The following FBXL17 variants were observed in gnomAD, a reference collection of about 807,000 sequenced individuals.
FBXL17 encodes F-box and leucine rich repeat protein 17, also known as F-box/LRR-repeat protein 17.
Under a neutral mutation model 66.2 loss-of-function variants are expected in FBXL17, and 22 were observed. The observed-to-expected ratio is 0.33, with a 90% confidence interval of 0.24 to 0.47. FBXL17 has a LOEUF of 0.47. Among genes scored for constraint, FBXL17 ranks in the 20% least tolerant of loss-of-function variants. The pLI, the probability that FBXL17 is intolerant of heterozygous loss-of-function variation, is 1.00. For synonymous variants in FBXL17, 474 were observed against 400.5 expected (o/e 1.18, Z -2.19); for missense variants, 878 against 948.2 (o/e 0.93, Z 0.97).
intron 4 of FBXL17, among the ~76,000 whole-genome samples, chr5:108,344,066 T>G (rs1316931783): frequency 6.6e-6 from 1 of 152,130 alleles, no homozygotes; most frequent in African/African-American, 2.4e-5. Flanking sequence ...TTAAGATAAC[T>G]AAAGCAAGTC....
chr5:108,057,442 A>G (rs1747751889), intron 6 of FBXL17, among the ~76,000 whole-genome samples: 1 of 152,142 alleles, frequency 6.6e-6, no homozygotes, highest in Non-Finnish European at 1.5e-5. Flanking sequence ...TCAAAAACAC[A>G]TTTTTCACAT....
At chr5:107,990,399 C>T (rs954583565) in intron 7 of FBXL17, among the ~76,000 whole-genome samples, 1 of 152,150 alleles carries the variant, frequency 6.6e-6, no homozygotes. Flanking sequence ...TGTTTATCAT[C>T]ATTTATTCAT....
chr5:107,996,218 A>G (rs2112704717), intron 7 of FBXL17, among the ~76,000 whole-genome samples: 1 of 152,092 alleles, frequency 6.6e-6, no homozygotes, highest in East Asian at 1.9e-4. Flanking sequence ...TCCTTTCTCT[A>G]CCAGCCTAAA....
At chr5:108,330,538 AT>A (rs1269098090) in intron 4 of FBXL17, among the ~76,000 whole-genome samples, 3 of 152,238 alleles carry the variant, frequency 2.0e-5, no homozygotes, top group Non-Finnish European at 4.4e-5. Context: ...TCACCAAGAT[AT>A]ATTTTAAAGA....
At chr5:107,920,882 C>T (rs1252134970) in intron 7 of FBXL17, among the ~76,000 whole-genome samples, 2 of 152,090 alleles carry the variant, frequency 1.3e-5, no homozygotes, top group African/African-American at 4.8e-5. Context: ...GCCTTAAAAG[C>T]CGTGAAAATT....
chr5:108,295,793 G>C (rs902121046), intron 4 of FBXL17, among the ~76,000 whole-genome samples: 2 of 151,888 alleles, frequency 1.3e-5, no homozygotes, highest in East Asian at 1.9e-4. Flanking sequence ...GTAGGAAAGG[G>C]AAAGAGAAAG....
intron 1 of FBXL17, among the ~76,000 whole-genome samples, chr5:108,375,079 C>T (rs1451726383): frequency 6.6e-6 from 1 of 152,066 alleles, no homozygotes; most frequent in African/African-American, 2.4e-5. Flanking sequence ...TGAGGCCGAG[C>T]ACAATGGTTG....
intron 7 of FBXL17, among the ~76,000 whole-genome samples, chr5:107,967,795 A>G (rs1752210594): frequency 4.6e-5 from 7 of 152,116 alleles, no homozygotes; most frequent in Admixed American, 4.6e-4. Context: ...AAAAGGGTAA[A>G]AAAAATTTCT....
At chr5:108,292,687 C>T (rs1302727406) in intron 4 of FBXL17, among the ~76,000 whole-genome samples, 1 of 152,228 alleles carries the variant, frequency 6.6e-6, no homozygotes, top group African/African-American at 2.4e-5. Context: ...TGCCTTATTA[C>T]ATAGCACTTA....
chr5:108,193,261 G>A (rs1753543092), intron 5 of FBXL17, among the ~76,000 whole-genome samples: 1 of 152,144 alleles, frequency 6.6e-6, no homozygotes, highest in Non-Finnish European at 1.5e-5. Context: ...TCAAGATGGA[G>A]ACCAAGGGAG....
At chr5:108,192,403 T>C (rs1405135219) in intron 5 of FBXL17, among the ~76,000 whole-genome samples, 3 of 152,226 alleles carry the variant, frequency 2.0e-5, no homozygotes, top group East Asian at 1.9e-4. Context: ...TAGGTAATCA[T>C]CTTTCAGTTT....
chr5:108,272,621 T>TG (rs1199423145), intron 4 of FBXL17, among the ~76,000 whole-genome samples: 3 of 152,134 alleles, frequency 2.0e-5, no homozygotes, highest in Non-Finnish European at 2.9e-5. Flanking sequence ...CCCAAAGTGC[T>TG]GGGATTACAG....
intron 1 of FBXL17, among the ~76,000 whole-genome samples, chr5:108,378,543 A>G (rs760176247): frequency 6.6e-6 from 1 of 152,198 alleles, no homozygotes; most frequent in South Asian, 2.1e-4. Context: ...TCATAGCTCC[A>G]TAAGTCTTCC....
intron 7 of FBXL17, among the ~76,000 whole-genome samples, chr5:107,907,920 T>C (rs1218740680): frequency 6.6e-6 from 1 of 152,186 alleles, no homozygotes; most frequent in Non-Finnish European, 1.5e-5. Flanking sequence ...AGAAATACCA[T>C]TTGACCCAGC....
chr5:108,103,233 C>A (rs577422057), intron 6 of FBXL17, among the ~76,000 whole-genome samples: 2 of 152,328 alleles, frequency 1.3e-5, no homozygotes, highest in African/African-American at 4.8e-5. Flanking sequence ...ATTTCATCAG[C>A]TTTATACAAT....
At chr5:108,015,075 C>T (rs1187458106) in intron 7 of FBXL17, among the ~76,000 whole-genome samples, 1 of 152,074 alleles carries the variant, frequency 6.6e-6, no homozygotes, top group Admixed American at 6.6e-5. Flanking sequence ...GGTGGAGACA[C>T]AGCCAAACCA....
At chr5:108,304,104 T>C (rs2966832) in intron 4 of FBXL17, among the ~76,000 whole-genome samples, 25,137 of 151,952 alleles carry the variant, frequency 0.17, 2,196 homozygotes, top group South Asian at 0.33. Context: ...ATTTTAATTT[T>C]ATTACACTTT....
intron 8 of FBXL17, chr5:107,878,430 G>A (rs896760084): frequency 4.9e-6 from 3 of 608,524 alleles, no homozygotes; most frequent in Non-Finnish European, 6.2e-6. Context: ...TCATTCACAT[G>A]CTCACAATTC....
At chr5:108,358,640 G>T (rs1379828281) in intron 3 of FBXL17, among the ~76,000 whole-genome samples, 1 of 152,048 alleles carries the variant, frequency 6.6e-6, no homozygotes, top group Non-Finnish European at 1.5e-5. Context: ...TGTAGCTGTT[G>T]TTTGTTTTGT....
Sources: allele counts gnomAD v4.1 joint callset (sites outside exome capture counted in the v4.1 genomes callset), GRCh38; gene constraint gnomAD v4.1.1; transcripts MANE v1.5; gene names NCBI Gene and HGNC (gene_info 2026-07-23, HGNC 2026-07-21).